The following ITGA9 variants were observed in gnomAD, a reference collection of about 807,000 sequenced individuals.
ITGA9 encodes integrin alpha-9.
In ITGA9, 56 loss-of-function variants were observed where a neutral mutation model predicts 127.8. The ratio of observed to expected loss-of-function variants is 0.44; its 90% CI spans 0.35 to 0.55. The LOEUF (loss-of-function observed/expected upper bound fraction) is 0.55, where lower values mean the gene tolerates loss of function less well. ITGA9 is among the 20% of genes least tolerant of loss of function. The probability of loss-of-function intolerance (pLI) is 0.00; values close to 1 mark genes in which losing one functional copy is unlikely to be tolerated. For synonymous variants in ITGA9, 508 were observed against 514.5 expected (o/e 0.99, Z 0.17); for missense variants, 1,196 against 1,347.1 (o/e 0.89, Z 1.76).
At chr3:37,764,436 T>C (rs577616727) in intron 23 of ITGA9, among the ~76,000 whole-genome samples, 1 of 113,998 alleles carries the variant, frequency 8.8e-6, no homozygotes, top group African/African-American at 3.4e-5. Flanking sequence ...TTTATCCGTA[T>C]AATGCTCAGA....
chr3:37,495,385 T>G lies in ITGA9; in HGVS notation c.612+817T>G, dbSNP rs868055414. 1.1e-4 allele frequency among the ~76,000 whole-genome samples: 17 copies of G among 152,226 alleles called. No individual in the cohort carries two copies. In the South Asian group the frequency reaches 3.3e-3, roughly 30 times the overall value. ...TGGTAGTACATTTTTAGGGACTGTT[T>G]TCTTGTGTCATTCTTACTTACTGTA... is the stretch of plus-strand genomic sequence containing the variant. On this transcript the variant is annotated intron_variant, in intron 5 of 27. Transcript: ENST00000264741.
At chr3:37,468,227 A>G (rs906128996) in intron 1 of ITGA9, among the ~76,000 whole-genome samples, 1 of 151,932 alleles carries the variant, frequency 6.6e-6, no homozygotes. Context: ...GGGTACCTGC[A>G]CCATTGGGAG....
chr3:37,774,026 A>G (rs1696874938), intron 23 of ITGA9, among the ~76,000 whole-genome samples: 1 of 152,220 alleles, frequency 6.6e-6, no homozygotes, highest in Admixed American at 6.5e-5. Flanking sequence ...GTTTACCAGA[A>G]TATATCATCT....
chr3:37,641,248 A>C (rs1260035120), intron 16 of ITGA9, among the ~76,000 whole-genome samples: 1 of 152,158 alleles, frequency 6.6e-6, no homozygotes, highest in Non-Finnish European at 1.5e-5. Flanking sequence ...TCACAGGAAC[A>C]TGAACCCTAC....
chr3:37,800,202 T>C (rs1453932778), intron 26 of ITGA9, among the ~76,000 whole-genome samples: 2 of 152,218 alleles, frequency 1.3e-5, no homozygotes, highest in East Asian at 3.8e-4. Flanking sequence ...GCGTTGCTGG[T>C]ATGCAGATTT....
intron 15 of ITGA9, among the ~76,000 whole-genome samples, chr3:37,600,951 A>G (rs746599980): frequency 6.6e-6 from 1 of 152,252 alleles, no homozygotes; most frequent in African/African-American, 2.4e-5. Context: ...AGTAGGATAT[A>G]GTAAAATGCA....
chr3:37,765,949 G>C (rs1053944070), intron 23 of ITGA9, among the ~76,000 whole-genome samples: 1 of 152,222 alleles, frequency 6.6e-6, no homozygotes, highest in Non-Finnish European at 1.5e-5. Context: ...ATGCCGATGC[G>C]TAGGTGCCTG....
At chr3:37,725,845 A>C (rs1454413144) in intron 18 of ITGA9, among the ~76,000 whole-genome samples, 2 of 152,198 alleles carry the variant, frequency 1.3e-5, no homozygotes, top group Non-Finnish European at 2.9e-5. Context: ...AGGATGGTTA[A>C]TTTGCCTGAC....
In ITGA9 at chr3:37,519,086, C is replaced by T. The variant is rs537944866; in HGVS notation, c.1142-174C>T. ...AGGCGTGAGCCACCACACTGGCCTA[C>T]TTTTTTTTTTTTTTTTTCCCGCTGA... On this transcript the variant is annotated intron_variant, in intron 10 of 27. Transcript: ENST00000264741. Among the ~76,000 whole-genome samples, 24 of 141,352 alleles carry T rather than the reference C, an allele frequency of 1.7e-4. No homozygotes were observed. The South Asian group carries it at 4.9e-3, about 29-fold the overall frequency. The allele number at this position is 141,352 out of a possible 152,430, so 92.7% of individuals were successfully genotyped here.
intron 15 of ITGA9, among the ~76,000 whole-genome samples, chr3:37,598,019 C>T (rs778843394): frequency 1.3e-5 from 2 of 152,136 alleles, no homozygotes; most frequent in Non-Finnish European, 2.9e-5. Flanking sequence ...AGATTTGAAC[C>T]CTATTTGCAA....
intron 18 of ITGA9, among the ~76,000 whole-genome samples, chr3:37,706,306 T>G (rs2125675571): frequency 1.3e-5 from 2 of 152,358 alleles, no homozygotes; most frequent in Admixed American, 1.3e-4. Context: ...CTATCTGGAC[T>G]TTTTGATTCT....
At chr3:37,633,332 C>G (rs1446925247) in intron 16 of ITGA9, among the ~76,000 whole-genome samples, 1 of 152,086 alleles carries the variant, frequency 6.6e-6, no homozygotes, top group African/African-American at 2.4e-5. Flanking sequence ...TCCCAATAAA[C>G]CCATCATGAA....
intron 15 of ITGA9, among the ~76,000 whole-genome samples, chr3:37,623,341 T>C (rs1003681433): frequency 6.6e-6 from 1 of 152,246 alleles, no homozygotes; most frequent in African/African-American, 2.4e-5. Flanking sequence ...AGCCCTGAGC[T>C]CTTAAGTTTT....
chr3:37,783,929 G>A (rs898418176), intron 25 of ITGA9, among the ~76,000 whole-genome samples: 6 of 152,182 alleles, frequency 3.9e-5, no homozygotes, highest in Non-Finnish European at 7.4e-5. Flanking sequence ...TTCTTTGGCA[G>A]AGATGAGCAA....
chr3:37,495,788 A>G (rs1186613442), intron 5 of ITGA9, among the ~76,000 whole-genome samples: 1 of 152,244 alleles, frequency 6.6e-6, no homozygotes, highest in East Asian at 1.9e-4. Context: ...ACCCATCACC[A>G]TGGGCTAGGT....
At chr3:37,554,937 G>A (rs1699415933) in intron 15 of ITGA9, among the ~76,000 whole-genome samples, 1 of 152,134 alleles carries the variant, frequency 6.6e-6, no homozygotes, top group Non-Finnish European at 1.5e-5. Context: ...GTCTGAGTAA[G>A]AAGTATCAAT....
chr3:37,591,065 G>A (rs539603199), intron 15 of ITGA9, among the ~76,000 whole-genome samples: 154 of 152,176 alleles, frequency 1.0e-3, no homozygotes, highest in Non-Finnish European at 1.6e-3. Context: ...GGGCAGTGCT[G>A]GCCTGGAGGA....
intron 15 of ITGA9, among the ~76,000 whole-genome samples, chr3:37,618,628 C>A (rs1575169251): frequency 6.6e-6 from 1 of 152,242 alleles, no homozygotes; most frequent in Non-Finnish European, 1.5e-5. Context: ...AGCTTCTCAG[C>A]CACTTTGTTA....
At chr3:37,453,329 T>A (rs368752712) in intron 1 of ITGA9, among the ~76,000 whole-genome samples, 1 of 152,200 alleles carries the variant, frequency 6.6e-6, no homozygotes, top group East Asian at 1.9e-4. Context: ...CGTGTTTCTA[T>A]AGTGGCCAAG....
Sources: gnomAD v4.1 joint callset for allele counts (sites outside exome capture counted in the v4.1 genomes callset) on GRCh38, gnomAD v4.1.1 for gene constraint, MANE v1.5 for transcripts, NCBI Gene and HGNC (gene_info 2026-07-23, HGNC 2026-07-21) for gene names.